Variants in TGS1 observed in about 807,000 individuals in gnomAD.
TGS1 encodes trimethylguanosine synthase 1.
A neutral mutation model predicts 92.2 loss-of-function variants in TGS1; 69 were observed. The observed-to-expected ratio is 0.75, with a 90% CI of 0.62 to 0.91. The LOEUF is 0.91. TGS1 is among the 40% of genes least tolerant of loss of function. TGS1 has a pLI of 0.00. For synonymous variants in TGS1, 345 were observed against 338.1 expected (o/e 1.02, Z -0.22); for missense variants, 1,062 against 1,001.2 (o/e 1.06, Z -0.82).
At chr8:55,785,620 T>C in intron 2 of TGS1, 99 bp from the exon 3 acceptor site, 2 of 819,530 alleles carry the variant, frequency 2.4e-6, no homozygotes, top group Non-Finnish European at 3.7e-6. Context: ...ACCTTTATTT[T>C]GGGCGGGTCA....
chr8:55,773,485 C>A lies in TGS1; in HGVS notation c.-134C>A. On this transcript the variant is annotated 5_prime_UTR_variant, in exon 1 of 13. Coordinates refer to ENST00000260129, the MANE Select transcript of TGS1 (RefSeq NM_024831.8). ...CGTCCGGGCTAGTTCCCGGCGCGAG[C>A]GGCCGCGGGCCAGTTTCTATCTCCT... is the stretch of plus-strand genomic sequence containing the variant. 1.7e-6 allele frequency: 1 copy of A among 600,184 alleles called. No homozygotes were observed. The highest frequency in any genetic ancestry group is 2.7e-6 in the Non-Finnish European group (1 of 363,850). 37.2% of individuals were successfully genotyped at this position (600,184 alleles called of 1,614,324 possible).
chr8:55,807,729 C>T (rs1803212080), intron 10 of TGS1, among the ~76,000 whole-genome samples: 1 of 151,708 alleles, frequency 6.6e-6, no homozygotes, highest in East Asian at 1.9e-4. Context: ...CAGGATCTTG[C>T]TATATTCCCC....
Position 55,824,671 on chromosome 8 carries a change from G to A in TGS1, c.2530G>A (p.Asp844Asn). ...KLKTITAYFGDLIRRPASET is the reference protein window; with the variant it reads ...KLKTITAYFGNLIRRPASET ...GAAGACAATCACTGCATATTTTGGT[G>A]ACCTAATTCGAAGACCAGCCTCTGA... is the stretch of plus-strand genomic sequence containing the variant. The change falls in exon 13 of 13, where the codon GAC (aspartate) becomes AAC (asparagine). Residue 844 changes from aspartate (D) to asparagine (N), a missense_variant. Coordinates refer to ENST00000260129, the MANE Select transcript of TGS1 (RefSeq NM_024831.8). The A allele has an allele frequency of 1.2e-6, 2 of 1,614,188 alleles. 1 individual carries two copies. Among genetic ancestry groups the A allele is most frequent in the South Asian group, 2.2e-5 (2 of 91,076 alleles).
intron 1 of TGS1, among the ~76,000 whole-genome samples, chr8:55,775,701 G>C (rs1379109963): frequency 6.6e-6 from 1 of 151,904 alleles, no homozygotes; most frequent in East Asian, 1.9e-4. Flanking sequence ...GATGGTATAA[G>C]CAGTTAGATA....
chr8:55,808,511 C>CTTTTTTTTTTTTTT (rs59912731), intron 10 of TGS1, among the ~76,000 whole-genome samples: 1 of 117,934 alleles, frequency 8.5e-6, no homozygotes. Context: ...TTCTTTTTTT[C>CTTTTTTTTTTTTTT]TTTTTTTTTT....
In TGS1 at chr8:55,804,879, C is replaced by T. The variant is rs530142717; in HGVS notation, c.2000-14C>T. 6.2e-7 allele frequency: 1 copy of T among 1,612,244 alleles called. No homozygotes were observed. The highest frequency in any genetic ancestry group is 2.2e-5 in the East Asian group (1 of 44,776). ...GAAATTGAACATGCTAACACAAATA[C>T]TCTTCCTTTGCAGAGGGCTGGTTTT... is the stretch of plus-strand genomic sequence containing the variant. On this transcript the variant is annotated splice_polypyrimidine_tract_variant and intron_variant, in intron 9 of 12. Transcript: ENST00000260129.
At chr8:55,806,271 G>A (rs1261942367) in intron 10 of TGS1, among the ~76,000 whole-genome samples, 5 of 145,618 alleles carry the variant, frequency 3.4e-5, no homozygotes, top group African/African-American at 1.0e-4. Context: ...CAAGAGAATC[G>A]CATGAACCCG....
Position 55,813,134 on chromosome 8 carries a change from AAAACTTC to A in TGS1, c.2439+17_2439+23del, listed in dbSNP as rs1803382320. 1.3e-6 allele frequency: 2 copies of A among 1,563,968 alleles called. No homozygotes were observed. Among genetic ancestry groups the A allele is most frequent in the East Asian group, 2.2e-5 (1 of 44,480 alleles). ...TATTGACCAGGTAAGCCATTACTGA[AAAACTTC>A]CATGAGTGTCTGTCTTAACTGTTAC... On this transcript the variant is annotated intron_variant, in intron 12 of 12. Coordinates refer to ENST00000260129, the MANE Select transcript of TGS1 (RefSeq NM_024831.8).
Position 55,786,447 on chromosome 8 carries a change from A to G in TGS1, c.549A>G (p.Pro183=). ...SKKDTETENP[P]VENTLSPKLE... is the part of the protein sequence containing the mutation. ...AAGATACTGAGACAGAAAATCCTCCAGTTGAAAACACATTATCTCCAAAGC... is the reference window on the plus strand; with the variant it reads ...AAGATACTGAGACAGAAAATCCTCCGGTTGAAAACACATTATCTCCAAAGC... The change falls in exon 4 of 13, where the codon CCA becomes CCG. Residue 183 remains proline, a synonymous_variant. Coordinates refer to ENST00000260129, the MANE Select transcript of TGS1 (RefSeq NM_024831.8). 2 of 1,613,776 alleles carry G rather than the reference A, an allele frequency of 1.2e-6. No individual in the cohort carries two copies. Among genetic ancestry groups the G allele is most frequent in the East Asian group, 2.2e-5 (1 of 44,874 alleles).
chr8:55,776,639 C>G (rs1052166653), intron 1 of TGS1, among the ~76,000 whole-genome samples: 3 of 152,184 alleles, frequency 2.0e-5, no homozygotes, highest in Non-Finnish European at 2.9e-5. Context: ...CTACCAGGCC[C>G]AGGGTGTGGC....
At chr8:55,803,003 T>G (rs1010535265) in intron 9 of TGS1, among the ~76,000 whole-genome samples, 2 of 152,190 alleles carry the variant, frequency 1.3e-5, no homozygotes, top group Non-Finnish European at 2.9e-5. Context: ...ATCATTGCGT[T>G]TATTTTTCAA....
At chr8:55,802,992 T>TA (rs1273650202) in intron 9 of TGS1, among the ~76,000 whole-genome samples, 5 of 152,046 alleles carry the variant, frequency 3.3e-5, no homozygotes, top group Non-Finnish European at 5.9e-5. Context: ...TAGGATCATG[T>TA]ATCATTGCGT....
intron 11 of TGS1, among the ~76,000 whole-genome samples, chr8:55,812,236 T>C (rs1381902660): frequency 6.6e-6 from 1 of 152,036 alleles, no homozygotes; most frequent in East Asian, 1.9e-4. Flanking sequence ...TATTAAAATT[T>C]AGAGTGTACT....
At chr8:55,788,890 G>A (rs1811796642) in intron 4 of TGS1, among the ~76,000 whole-genome samples, 2 of 152,212 alleles carry the variant, frequency 1.3e-5, no homozygotes, top group South Asian at 4.1e-4. Flanking sequence ...CTGACTTACA[G>A]TCTCATTTAC....
chr8:55,805,071 G>A lies in TGS1; in HGVS notation c.2143+35G>A, dbSNP rs1162626506. 6 of 1,597,284 alleles carry A rather than the reference G, an allele frequency of 3.8e-6. No individual in the cohort carries two copies. In the African/African-American group the frequency reaches 8.0e-5, roughly 21 times the overall value. ...CATCAATGGAAGTGAACTATTTTATGTCCAGTTAATTCAGTAAATGTTTCC... is the reference window on the plus strand; with the variant it reads ...CATCAATGGAAGTGAACTATTTTATATCCAGTTAATTCAGTAAATGTTTCC... On this transcript the variant is annotated intron_variant, in intron 10 of 12. Coordinates refer to ENST00000260129, the MANE Select transcript of TGS1 (RefSeq NM_024831.8).
At chr8:55,806,156 G>C in intron 10 of TGS1, among the ~76,000 whole-genome samples, 1 of 150,916 alleles carries the variant, frequency 6.6e-6, no homozygotes, top group South Asian at 2.1e-4. Flanking sequence ...GGGAGTTCAA[G>C]ACCAGCCTGA....
In TGS1 at chr8:55,804,958, T is replaced by C; in HGVS notation, c.2065T>C (p.Phe689Leu). ...CATTGCTGGCCGTGTTAGTCAGTCCTTCAAGTGTGACGTTGTAGTAGACGC... is the reference window on the plus strand; with the variant it reads ...CATTGCTGGCCGTGTTAGTCAGTCCCTCAAGTGTGACGTTGTAGTAGACGC... ...EHIAGRVSQS[F>L]KCDVVVDAFC... Residue 689 changes from phenylalanine to leucine, a missense_variant, in exon 10 of 13, where the codon TTC (phenylalanine) becomes CTC (leucine). Transcript: ENST00000260129. 6.2e-7 allele frequency: 1 copy of C among 1,614,068 alleles called. No individual in the cohort carries two copies. Among genetic ancestry groups the C allele is most frequent in the Non-Finnish European group, 8.5e-7 (1 of 1,179,942 alleles).
At position 55,790,211 on chromosome 8, in the gene TGS1, A is replaced by G. The variant is rs561552581; in HGVS notation, c.1192A>G (p.Ser398Gly). 9.9e-6 allele frequency: 16 copies of G among 1,614,072 alleles called. No homozygotes were observed. In the South Asian group the frequency reaches 1.2e-4, roughly 12 times the overall value. Residue 398 changes from serine to glycine, a missense_variant, in exon 5 of 13, where the codon AGC becomes GGC. Coordinates refer to ENST00000260129, the MANE Select transcript of TGS1 (RefSeq NM_024831.8). ...DSQKSSGANT[S>G]KDRPHASGTD... Reference sequence around the variant, plus strand: ...ACAGAAGTCTTCAGGAGCAAACACAAGCAAAGACAGACCACATGCCAGTGG... The same window carrying G: ...ACAGAAGTCTTCAGGAGCAAACACAGGCAAAGACAGACCACATGCCAGTGG...
intron 4 of TGS1, among the ~76,000 whole-genome samples, chr8:55,789,611 A>G (rs1811818596): frequency 6.6e-6 from 1 of 152,214 alleles, no homozygotes. Flanking sequence ...AATTAAATTT[A>G]ATAGAGTTTA....
Sources: allele counts gnomAD v4.1 joint callset (sites outside exome capture counted in the v4.1 genomes callset), GRCh38; gene constraint gnomAD v4.1.1; transcripts MANE v1.5; gene names NCBI Gene and HGNC (gene_info 2026-07-23, HGNC 2026-07-21).